Variants in RTL4 observed in about 807,000 individuals in gnomAD.
RTL4 encodes the protein retrotransposon Gag like 4.
In RTL4, 4 loss-of-function variants were observed where a neutral mutation model predicts 5.3. The observed-to-expected ratio is 0.75, with a 90% CI of 0.37 to 1.72. The LOEUF is 1.72. Among genes scored for constraint, RTL4 ranks in the 40% most tolerant of loss-of-function variants. The pLI is 0.04. For synonymous variants in RTL4, 98 were observed against 87.3 expected (o/e 1.12, Z -0.68); for missense variants, 260 against 227.1 (o/e 1.14, Z -0.93).
chrX:112,122,702 C>A, the RTL4 span, among the ~76,000 whole-genome samples: 2 of 110,430 alleles, frequency 1.8e-5, no homozygotes, highest in African/African-American at 6.6e-5. Flanking sequence ...GGTAAAGAAA[C>A]GGAAGTTATA....
chrX:112,403,674 C>G, the RTL4 span, among the ~76,000 whole-genome samples: 3 of 112,182 alleles, frequency 2.7e-5, no homozygotes, highest in African/African-American at 9.7e-5. Context: ...CATGTTCTAT[C>G]TACTCTTAGA....
the RTL4 span, among the ~76,000 whole-genome samples, chrX:112,277,717 C>G: frequency 8.9e-6 from 1 of 111,825 alleles, no homozygotes; most frequent in Non-Finnish European, 1.9e-5. Context: ...TGCTTCCAGG[C>G]AGCTGCCCCC....
chrX:112,195,861 C>A, the RTL4 span, among the ~76,000 whole-genome samples: 1 of 111,270 alleles, frequency 9.0e-6, no homozygotes, highest in African/African-American at 3.3e-5. Flanking sequence ...GATAGAAACA[C>A]AACTTTGAGG....
chrX:112,273,405 C>T, the RTL4 span, among the ~76,000 whole-genome samples: 7,112 of 110,264 alleles, frequency 0.064, 544 homozygotes, highest in African/African-American at 0.22. Context: ...AGGCGCCCAC[C>T]ACCACGCCTG....
chrX:112,227,445 A>G, the RTL4 span, among the ~76,000 whole-genome samples: 16 of 111,357 alleles, frequency 1.4e-4, no homozygotes, highest in Non-Finnish European at 2.8e-4. Context: ...ATCAATTCAA[A>G]TTTTGACCCA....
At chrX:112,236,452 GATATAGATCTATATCTAT>G in the RTL4 span, among the ~76,000 whole-genome samples, 3 of 76,904 alleles carry the variant, frequency 3.9e-5, no homozygotes, top group South Asian at 7.0e-4. Context: ...TCTATATATA[GATATAGATCTATATCTAT>G]ATATAGATAT....
the RTL4 span, among the ~76,000 whole-genome samples, chrX:112,212,772 C>A: frequency 8.9e-6 from 1 of 112,333 alleles, no homozygotes; most frequent in African/African-American, 3.2e-5. Flanking sequence ...CTCTAGTCAC[C>A]TTTTGATGTC....
chrX:112,336,906 T>C, the RTL4 span, among the ~76,000 whole-genome samples: 31 of 112,512 alleles, frequency 2.8e-4, no homozygotes, highest in Admixed American at 2.1e-3. Context: ...CATAAATGAA[T>C]GAGTATGGCT....
chrX:112,253,882 A>T, the RTL4 span, among the ~76,000 whole-genome samples: 1 of 111,557 alleles, frequency 9.0e-6, no homozygotes, highest in African/African-American at 3.3e-5. Flanking sequence ...GGCCTGTTAC[A>T]CCAGCTTAGC....
the RTL4 span, among the ~76,000 whole-genome samples, chrX:112,435,429 A>G: frequency 8.9e-5 from 10 of 112,466 alleles, no homozygotes; most frequent in Non-Finnish European, 1.9e-5. Flanking sequence ...TGCAGTTACT[A>G]TTAGTATCTT....
the RTL4 span, among the ~76,000 whole-genome samples, chrX:112,417,520 T>G: frequency 8.9e-6 from 1 of 111,817 alleles, no homozygotes; most frequent in Non-Finnish European, 1.9e-5. Context: ...GAAATTCAGT[T>G]GCTATCACCC....
At chrX:112,293,761 C>T in the RTL4 span, among the ~76,000 whole-genome samples, 9 of 112,074 alleles carry the variant, frequency 8.0e-5, no homozygotes, top group African/African-American at 2.6e-4. Context: ...AATTTTTAGG[C>T]TTAGAAATAG....
chrX:112,283,469 T>C, the RTL4 span, among the ~76,000 whole-genome samples: 1 of 111,657 alleles, frequency 9.0e-6, no homozygotes, highest in East Asian at 2.8e-4. Context: ...TAAATCATTT[T>C]AAGTCAGAAT....
chrX:112,403,519 G>A, the RTL4 span, among the ~76,000 whole-genome samples: 1 of 111,456 alleles, frequency 9.0e-6, no homozygotes, highest in Non-Finnish European at 1.9e-5. Flanking sequence ...CTTAACCCCT[G>A]TGCTTTAGGT....
the RTL4 span, among the ~76,000 whole-genome samples, chrX:112,269,651 A>G: frequency 2.7e-5 from 3 of 112,164 alleles, no homozygotes; most frequent in Non-Finnish European, 5.6e-5. Context: ...TTATGGTCAC[A>G]GACTTGATAA....
the RTL4 span, among the ~76,000 whole-genome samples, chrX:112,358,661 G>A: frequency 9.0e-6 from 1 of 111,365 alleles, no homozygotes; most frequent in Non-Finnish European, 1.9e-5. Context: ...CCACATGATG[G>A]ATATGTGGCA....
chrX:112,365,956 A>G, the RTL4 span, among the ~76,000 whole-genome samples: 1 of 111,201 alleles, frequency 9.0e-6, no homozygotes, highest in African/African-American at 3.3e-5. Context: ...AAGATGACCT[A>G]CTGAATTAAA....
At chrX:112,260,562 C>A in the RTL4 span, among the ~76,000 whole-genome samples, 1 of 111,661 alleles carries the variant, frequency 9.0e-6, no homozygotes, top group Non-Finnish European at 1.9e-5. Flanking sequence ...AGGCAATTTT[C>A]TTTAAAGCCA....
the RTL4 span, chrX:112,381,279 C>T: frequency 8.3e-7 from 1 of 1,206,361 alleles, no homozygotes; most frequent in Non-Finnish European, 1.1e-6. Flanking sequence ...ACTAGGTTTG[C>T]TGAGGGCCCC....
Sources: gnomAD v4.1 joint callset for allele counts (sites outside exome capture counted in the v4.1 genomes callset) on GRCh38, gnomAD v4.1.1 for gene constraint, MANE v1.5 for transcripts, NCBI Gene and HGNC (gene_info 2026-07-23, HGNC 2026-07-21) for gene names.